Variants in GRM7 observed in about 807,000 individuals in gnomAD.
The protein encoded by GRM7 is metabotropic glutamate receptor 7.
Under a neutral mutation model 84.5 loss-of-function variants are expected in GRM7, and 35 were observed. That is an observed-to-expected ratio of 0.41 (90% CI 0.32 to 0.55). The LOEUF is 0.55. GRM7 is among the 20% of genes least tolerant of loss of function. The probability of loss-of-function intolerance (pLI) is 0.19; values close to 1 mark genes in which losing one functional copy is unlikely to be tolerated. For missense variants in GRM7, 1,003 were observed against 1,194.6 expected (o/e 0.84, Z 2.36); for synonymous variants, 487 against 455.1 (o/e 1.07, Z -0.89).
At chr3:7,582,464 A>G (rs952886185) in intron 8 of GRM7, among the ~76,000 whole-genome samples, 2 of 152,174 alleles carry the variant, frequency 1.3e-5, no homozygotes, top group African/African-American at 4.8e-5. Context: ...GAATGGGATC[A>G]TAAGTTCTCA....
intron 2 of GRM7, among the ~76,000 whole-genome samples, chr3:7,251,957 A>G (rs1438409833): frequency 1.3e-5 from 2 of 152,226 alleles, no homozygotes; most frequent in African/African-American, 4.8e-5. Context: ...CCGGAAAACA[A>G]AGCCTTTTTT....
chr3:7,125,103 C>G (rs2125047489), intron 1 of GRM7, among the ~76,000 whole-genome samples: 1 of 152,250 alleles, frequency 6.6e-6, no homozygotes, highest in Admixed American at 6.5e-5. Context: ...CCATGCCCAC[C>G]TAAGTTTTGT....
chr3:7,536,416 ATTAC>A (rs1701246267), intron 7 of GRM7, among the ~76,000 whole-genome samples: 2 of 152,198 alleles, frequency 1.3e-5, no homozygotes, highest in South Asian at 4.1e-4. Context: ...CCTATTTCTC[ATTAC>A]ATAAGGACTA....
chr3:6,874,882 C>T (rs1332751341), intron 1 of GRM7, among the ~76,000 whole-genome samples: 1 of 152,158 alleles, frequency 6.6e-6, no homozygotes, highest in Admixed American at 6.5e-5. Context: ...TATTTTATTT[C>T]CTTCTTAAGA....
At chr3:6,905,582 C>CTCT (rs1696546228) in intron 1 of GRM7, among the ~76,000 whole-genome samples, 1 of 131,406 alleles carries the variant, frequency 7.6e-6, no homozygotes, top group Non-Finnish European at 1.6e-5. Context: ...TTTCTCTCTC[C>CTCT]CTCTCCGTCT....
intron 1 of GRM7, among the ~76,000 whole-genome samples, chr3:7,140,800 G>A (rs1359074620): frequency 2.0e-5 from 3 of 151,986 alleles, no homozygotes; most frequent in Admixed American, 1.3e-4. Flanking sequence ...TTCAAGAAAT[G>A]TGGTGGTAGA....
intron 7 of GRM7, among the ~76,000 whole-genome samples, chr3:7,537,904 A>G (rs1692642899): frequency 6.6e-6 from 1 of 152,182 alleles, no homozygotes; most frequent in South Asian, 2.1e-4. Context: ...TCAACATAGC[A>G]AAAAATAGAG....
intron 4 of GRM7, among the ~76,000 whole-genome samples, chr3:7,349,097 C>G (rs552020196): frequency 6.6e-6 from 1 of 152,196 alleles, no homozygotes; most frequent in East Asian, 1.9e-4. Context: ...TCTTCCCTCC[C>G]TAGTTTTCAT....
At chr3:6,930,392 C>T (rs1405803378) in intron 1 of GRM7, among the ~76,000 whole-genome samples, 2 of 152,140 alleles carry the variant, frequency 1.3e-5, no homozygotes, top group East Asian at 1.9e-4. Context: ...CAAACGATTG[C>T]GTGTCTATAT....
At chr3:7,217,519 A>G (rs1299098903) in intron 2 of GRM7, among the ~76,000 whole-genome samples, 1 of 152,132 alleles carries the variant, frequency 6.6e-6, no homozygotes, top group African/African-American at 2.4e-5. Context: ...ATGCATTTCA[A>G]TAATAATTTT....
At chr3:7,593,631 G>A (rs1314744829) in intron 8 of GRM7, among the ~76,000 whole-genome samples, 1 of 152,146 alleles carries the variant, frequency 6.6e-6, no homozygotes, top group East Asian at 1.9e-4. Flanking sequence ...AAAAGCAAGG[G>A]AAAAGGTGCT....
At chr3:7,663,535 T>C (rs1699555746) in intron 8 of GRM7, among the ~76,000 whole-genome samples, 1 of 152,230 alleles carries the variant, frequency 6.6e-6, no homozygotes, top group Non-Finnish European at 1.5e-5. Flanking sequence ...ACACTGCTTC[T>C]GTGTTTCCTT....
At chr3:7,685,281 T>C (rs1162636311) in intron 9 of GRM7, among the ~76,000 whole-genome samples, 1 of 152,238 alleles carries the variant, frequency 6.6e-6, no homozygotes, top group African/African-American at 2.4e-5. Context: ...TTGGCTCTCA[T>C]GCTTTCTTTA....
At chr3:7,601,754 G>T (rs1454339117) in intron 8 of GRM7, among the ~76,000 whole-genome samples, 1 of 152,024 alleles carries the variant, frequency 6.6e-6, no homozygotes, top group Non-Finnish European at 1.5e-5. Context: ...AGCAACTGGG[G>T]CCATGTACCT....
chr3:7,193,902 A>T (rs1695798040), intron 2 of GRM7, among the ~76,000 whole-genome samples: 1 of 152,142 alleles, frequency 6.6e-6, no homozygotes, highest in African/African-American at 2.4e-5. Flanking sequence ...ATTAGTGTGG[A>T]TACCACCTCC....
chr3:7,137,418 T>A (rs938198472), intron 1 of GRM7, among the ~76,000 whole-genome samples: 1 of 152,118 alleles, frequency 6.6e-6, no homozygotes, highest in Non-Finnish European at 1.5e-5. Flanking sequence ...CCTGTTTGCT[T>A]GTTTATTTTT....
intron 4 of GRM7, among the ~76,000 whole-genome samples, chr3:7,401,523 T>C (rs948575282): frequency 2.6e-5 from 4 of 152,160 alleles, no homozygotes; most frequent in African/African-American, 9.7e-5. Context: ...AAAGCAATGA[T>C]TTCTGTGTCT....
chr3:6,998,876 A>AC lies in GRM7; in HGVS notation c.519+136969_519+136970insC, dbSNP rs950179002. Among the ~76,000 whole-genome samples the AC allele has an allele frequency of 4.1e-4, 62 of 151,924 alleles. 2 individuals are homozygous for AC. On this transcript the variant is annotated intron_variant, in intron 1 of 9. Transcript: ENST00000357716. ...GGCCCTGGGCCCAGGCCCTGAAACCATTTTTTCCTCCTAGGCCTCTTGGTC... is the reference window on the plus strand; with the variant it reads ...GGCCCTGGGCCCAGGCCCTGAAACCACTTTTTTCCTCCTAGGCCTCTTGGTC...
chr3:7,582,553 A>G (rs913204563), intron 8 of GRM7, among the ~76,000 whole-genome samples: 2 of 152,176 alleles, frequency 1.3e-5, no homozygotes, highest in African/African-American at 4.8e-5. Context: ...GATTGAGGCA[A>G]TTGAAGGGCA....
Sources: gnomAD v4.1 joint callset for allele counts (sites outside exome capture counted in the v4.1 genomes callset) on GRCh38, gnomAD v4.1.1 for gene constraint, MANE v1.5 for transcripts, NCBI Gene and HGNC (gene_info 2026-07-23, HGNC 2026-07-21) for gene names.